Variants in DCBLD2 observed in about 807,000 individuals in gnomAD.
DCBLD2 encodes the protein discoidin, CUB and LCCL domain-containing protein 2.
Under a neutral mutation model 86.8 loss-of-function variants are expected in DCBLD2, and 54 were observed. The ratio of observed to expected loss-of-function variants is 0.62; its 90% CI spans 0.50 to 0.78. The LOEUF (loss-of-function observed/expected upper bound fraction) is 0.78. Ranked by LOEUF, DCBLD2 falls within the 30% of genes least tolerant of loss-of-function variation. DCBLD2 has a pLI of 0.00. For synonymous variants in DCBLD2, 354 were observed against 341.3 expected (o/e 1.04, Z -0.41); for missense variants, 908 against 954.2 (o/e 0.95, Z 0.64).
chr3:98,887,133 G>A (rs1943577317), intron 1 of DCBLD2, among the ~76,000 whole-genome samples: 1 of 151,548 alleles, frequency 6.6e-6, no homozygotes, highest in South Asian at 2.1e-4. Context: ...GGATACACTT[G>A]CACAAATATG....
chr3:98,828,191 C>T (rs1378986250), intron 3 of DCBLD2, among the ~76,000 whole-genome samples: 2 of 151,962 alleles, frequency 1.3e-5, no homozygotes, highest in African/African-American at 4.8e-5. Context: ...CACAAGAAAA[C>T]AAATAAAAAT....
intron 1 of DCBLD2, among the ~76,000 whole-genome samples, chr3:98,896,244 T>C (rs1346017965): frequency 6.6e-6 from 1 of 152,242 alleles, no homozygotes; most frequent in Non-Finnish European, 1.5e-5. Flanking sequence ...CTAGTTTATT[T>C]GAATATCTGT....
At chr3:98,885,008 C>T (rs549865967) in intron 1 of DCBLD2, among the ~76,000 whole-genome samples, 2 of 152,010 alleles carry the variant, frequency 1.3e-5, no homozygotes, top group Non-Finnish European at 2.9e-5. Context: ...CTGCCCTTTC[C>T]AACATGAAGG....
At chr3:98,881,960 T>C (rs946172992) in intron 1 of DCBLD2, among the ~76,000 whole-genome samples, 193 bp from the exon 2 acceptor site, 8 of 152,304 alleles carry the variant, frequency 5.3e-5, no homozygotes, top group African/African-American at 1.9e-4. Flanking sequence ...CTGATACATA[T>C]GATGTATAGT....
Position 98,800,299 on chromosome 3 carries a change from G to A in DCBLD2, c.1858+280C>T, listed in dbSNP as rs6780097. ...CTGTAAGGCTTCTTCTGTCTTTCCCGCTCTCCTCTCAACATCTCGGGTCTC... is the reference window on the plus strand; with the variant it reads ...CTGTAAGGCTTCTTCTGTCTTTCCCACTCTCCTCTCAACATCTCGGGTCTC... On this transcript the variant is annotated intron_variant, in intron 15 of 15. Coordinates refer to ENST00000326840, the MANE Select transcript of DCBLD2 (RefSeq NM_080927.4). Among the ~76,000 whole-genome samples the A allele has an allele frequency of 7.8e-3, 1,191 of 152,076 alleles. 28 individuals carry two copies. The highest frequency in any genetic ancestry group is 0.027 in the African/African-American group (1,138 of 41,474).
Position 98,796,150 on chromosome 3 carries a change from C to T in DCBLD2, c.*3222G>A, listed in dbSNP as rs1576148112. ...AGTACATGCCGAGGTAAGATAAGTA[C>T]ATTCTGGGAGAATATCACTGACGCT... On this transcript the variant is annotated 3_prime_UTR_variant, in exon 16 of 16. Transcript: ENST00000326840. 1 of 152,548 alleles carries T rather than the reference C, an allele frequency of 6.6e-6. No individual in the cohort carries two copies. 9.4% of individuals were successfully genotyped at this position (152,548 alleles called of 1,614,324 possible). A position where few individuals can be genotyped will look rare whatever the true frequency, so the allele number is the denominator to read the frequency against.
At chr3:98,889,622 C>T (rs1343313417) in intron 1 of DCBLD2, among the ~76,000 whole-genome samples, 1 of 151,934 alleles carries the variant, frequency 6.6e-6, no homozygotes, top group African/African-American at 2.4e-5. Context: ...AAAAAATAAC[C>T]TATAGGTAAA....
intron 1 of DCBLD2, among the ~76,000 whole-genome samples, chr3:98,896,208 G>T (rs541291040): frequency 4.5e-4 from 68 of 152,128 alleles, no homozygotes; most frequent in Non-Finnish European, 6.8e-4. Flanking sequence ...AGCTTCAGTG[G>T]GTACTGCACT....
At chr3:98,849,432 T>C in intron 3 of DCBLD2, 29 bp downstream of exon 3, 1 of 1,613,720 alleles carries the variant, frequency 6.2e-7, no homozygotes, top group Non-Finnish European at 8.5e-7. Context: ...TTACAAACTG[T>C]AGGAACCATT....
intron 2 of DCBLD2, among the ~76,000 whole-genome samples, chr3:98,872,586 A>T (rs1454526543): frequency 6.6e-6 from 1 of 152,220 alleles, no homozygotes; most frequent in African/African-American, 2.4e-5. Context: ...TACAGAAGGA[A>T]GGGGAAAGAA....
intron 2 of DCBLD2, among the ~76,000 whole-genome samples, chr3:98,866,242 G>A (rs1943143111): frequency 1.3e-5 from 2 of 152,166 alleles, no homozygotes; most frequent in Middle Eastern, 3.4e-3. Context: ...GGATGGCTGG[G>A]TCAAATGGTA....
At chr3:98,799,911 C>A in intron 15 of DCBLD2, 70 bp from the exon 16 acceptor site, 1 of 1,302,082 alleles carries the variant, frequency 7.7e-7, no homozygotes. Flanking sequence ...AGGGTGGCAG[C>A]TGCAGATTAT....
intron 8 of DCBLD2, 127 bp downstream of exon 8, chr3:98,819,075 G>C: frequency 2.1e-6 from 2 of 931,616 alleles, no homozygotes; most frequent in Non-Finnish European, 3.2e-6. Flanking sequence ...TAACATCAGT[G>C]AAGAAAATAT....
At chr3:98,853,018 A>G (rs1942868274) in intron 2 of DCBLD2, among the ~76,000 whole-genome samples, 1 of 152,094 alleles carries the variant, frequency 6.6e-6, no homozygotes, top group South Asian at 2.1e-4. Context: ...GGGAAGTGAG[A>G]TGATAAAACT....
rs76608691 is a variant in DCBLD2, at chr3:98,868,893, G to A, written c.433+12647C>T. On this transcript the variant is annotated intron_variant, in intron 2 of 15. Transcript: ENST00000326840. ...TTTGATGGACTCTTAGGTTGATTCC[G>A]TATCTTTTCCATGGTGAATTCTACT... 2.8e-3 allele frequency among the ~76,000 whole-genome samples: 429 copies of A among 152,124 alleles called. 7 individuals carry two copies. Among genetic ancestry groups the A allele is most frequent in the African/African-American group, 9.3e-3 (387 of 41,510 alleles).
At chr3:98,804,056 C>T (rs1383428563) in intron 13 of DCBLD2, among the ~76,000 whole-genome samples, 1 of 152,156 alleles carries the variant, frequency 6.6e-6, no homozygotes, top group African/African-American at 2.4e-5. Flanking sequence ...TGATGCTGGC[C>T]TCATAAAATG....
At position 98,799,316 on chromosome 3, in the gene DCBLD2, T is replaced by TTA. The variant is rs1553722664; in HGVS notation, c.*55_*56insTA. ...TCTATATATTACTACCACTAATAAT[T>TTA]AAAAAAAAAAGGCCATGTGCTTTAA... On this transcript the variant is annotated 3_prime_UTR_variant, in exon 16 of 16. Coordinates refer to ENST00000326840, the MANE Select transcript of DCBLD2 (RefSeq NM_080927.4). 3.6e-6 allele frequency: 4 copies of TTA among 1,116,802 alleles called. No homozygotes were observed. Among genetic ancestry groups the TTA allele is most frequent in the Non-Finnish European group, 4.9e-6 (4 of 811,494 alleles). The allele number at this position is 1,116,802 out of a possible 1,614,324, so 69.2% of individuals were successfully genotyped here.
chr3:98,894,113 G>A (rs1943710181), intron 1 of DCBLD2, among the ~76,000 whole-genome samples: 1 of 152,164 alleles, frequency 6.6e-6, no homozygotes, highest in Admixed American at 6.5e-5. Flanking sequence ...GGGTGCCTGA[G>A]TTGAGAAGAG....
intron 12 of DCBLD2, 56 bp downstream of exon 12, chr3:98,811,138 T>G: frequency 6.8e-7 from 1 of 1,460,816 alleles, no homozygotes; most frequent in East Asian, 2.5e-5. Flanking sequence ...CGTGAAAACT[T>G]CAGTTAAGAA....
Sources: gnomAD v4.1 joint callset for allele counts (sites outside exome capture counted in the v4.1 genomes callset) on GRCh38, gnomAD v4.1.1 for gene constraint, MANE v1.5 for transcripts, NCBI Gene and HGNC (gene_info 2026-07-23, HGNC 2026-07-21) for gene names.